Variants in PLXNA2 observed in about 807,000 individuals in gnomAD.
PLXNA2 encodes plexin-A2.
Under a neutral mutation model 193.5 loss-of-function variants are expected in PLXNA2, and 91 were observed. The observed-to-expected ratio is 0.47, with a 90% CI of 0.40 to 0.56. The LOEUF is 0.56. Among genes scored for constraint, PLXNA2 ranks in the 20% least tolerant of loss-of-function variants. The pLI is 0.00. For synonymous variants in PLXNA2, 997 were observed against 1,027.3 expected (o/e 0.97, Z 0.56); for missense variants, 1,995 against 2,503.2 (o/e 0.80, Z 4.33).
intron 1 of PLXNA2, among the ~76,000 whole-genome samples, chr1:208,239,209 A>G (rs1465010515): frequency 6.6e-6 from 1 of 151,072 alleles, no homozygotes; most frequent in Admixed American, 6.6e-5. Context: ...GGCTTTCAAG[A>G]GTCCCCTCTA....
chr1:208,195,958 T>C (rs1351487598), intron 3 of PLXNA2, among the ~76,000 whole-genome samples: 2 of 140,904 alleles, frequency 1.4e-5, no homozygotes, highest in African/African-American at 5.2e-5. Flanking sequence ...AGACTGAAGG[T>C]ACAAGGGAGG....
chr1:208,162,525 G>A (rs1669163300), intron 3 of PLXNA2, among the ~76,000 whole-genome samples: 1 of 152,174 alleles, frequency 6.6e-6, no homozygotes, highest in Non-Finnish European at 1.5e-5. Flanking sequence ...TTCTTTCTTT[G>A]AGGAGACTAT....
intron 4 of PLXNA2, among the ~76,000 whole-genome samples, chr1:208,135,141 A>C (rs1668264532): frequency 6.6e-6 from 1 of 152,084 alleles, no homozygotes; most frequent in Non-Finnish European, 1.5e-5. Flanking sequence ...GTCTTCAAAC[A>C]ATGCAGAGAA....
chr1:208,049,306 C>CT (rs35088178), intron 17 of PLXNA2, among the ~76,000 whole-genome samples: 87,568 of 141,496 alleles, frequency 0.62, 26,950 homozygotes, highest in Middle Eastern at 0.7. Context: ...AATTTGCTTG[C>CT]TTTTTTTTTT....
intron 9 of PLXNA2, among the ~76,000 whole-genome samples, chr1:208,091,601 A>G (rs1430896541): frequency 6.6e-6 from 1 of 152,166 alleles, no homozygotes; most frequent in African/African-American, 2.4e-5. Context: ...GGCCGGGCGG[A>G]GTGGCTCACA....
At chr1:208,062,012 A>G (rs936472370) in intron 12 of PLXNA2, among the ~76,000 whole-genome samples, 1 of 152,202 alleles carries the variant, frequency 6.6e-6, no homozygotes, top group Non-Finnish European at 1.5e-5. Context: ...CACAGTTGTA[A>G]AAAGGTCCAG....
intron 3 of PLXNA2, among the ~76,000 whole-genome samples, chr1:208,148,667 C>T (rs1212076108): frequency 6.6e-6 from 1 of 152,212 alleles, no homozygotes; most frequent in East Asian, 1.9e-4. Context: ...AGGATCCCCT[C>T]AGGAAGCCCG....
chr1:208,234,126 A>C lies in PLXNA2; in HGVS notation c.-81+9517T>G, dbSNP rs190646742. ...AAGGTAGCTAAGTGGGCAGATCAAG[A>C]GAGTGTGGTGAGTGAGGCTGGGGCA... On this transcript the variant is annotated intron_variant, in intron 1 of 31. Coordinates refer to ENST00000367033, the MANE Select transcript of PLXNA2 (RefSeq NM_025179.4). Among the ~76,000 whole-genome samples, 8 of 152,212 alleles carry C rather than the reference A, an allele frequency of 5.3e-5. No homozygotes were observed. The East Asian group carries it at 1.6e-3, about 30-fold the overall frequency.
In PLXNA2 at chr1:208,028,083, G is replaced by C. The variant is rs1326125985; in HGVS notation, c.5515C>G (p.Leu1839Val). 6.2e-7 allele frequency: 1 copy of C among 1,613,592 alleles called. No homozygotes were observed. Among genetic ancestry groups the C allele is most frequent in the African/African-American group, 1.3e-5 (1 of 74,908 alleles). The change falls in exon 31 of 32, where the codon CTG becomes GTG. Residue 1839 changes from leucine to valine, a missense_variant. Transcript: ENST00000367033. The surrounding 1 kb of genome is among the most constrained non-coding windows in gnomAD (Gnocchi z 4.2). ...MNAYLAEQSRLHAVEFNMLSA... is the reference protein window; with the variant it reads ...MNAYLAEQSRVHAVEFNMLSA... Reference sequence around the variant, plus strand: ...AGCATGTTGAACTCCACGGCGTGCAGGCGGGACTGCTCGGCGAGGTAGGCA... The same window carrying C: ...AGCATGTTGAACTCCACGGCGTGCACGCGGGACTGCTCGGCGAGGTAGGCA...
intron 3 of PLXNA2, among the ~76,000 whole-genome samples, chr1:208,151,661 C>T (rs76695568): frequency 3.7e-4 from 56 of 152,188 alleles, no homozygotes; most frequent in African/African-American, 1.1e-3. Context: ...TATGTCAACC[C>T]GTGTGCAAAA....
At chr1:208,063,253 C>T (rs1170513818) in intron 12 of PLXNA2, among the ~76,000 whole-genome samples, 6 of 152,138 alleles carry the variant, frequency 3.9e-5, no homozygotes, top group Admixed American at 6.5e-5. Flanking sequence ...ATGTGGGGAC[C>T]GCATTGTGGA....
chr1:208,120,466 T>C (rs1230275984), intron 4 of PLXNA2, among the ~76,000 whole-genome samples: 3 of 152,172 alleles, frequency 2.0e-5, no homozygotes, highest in African/African-American at 7.2e-5. Context: ...TCATTAAGCA[T>C]TCCTCTGGCT....
chr1:208,156,193 G>A (rs1376719082), intron 3 of PLXNA2, among the ~76,000 whole-genome samples: 1 of 152,222 alleles, frequency 6.6e-6, no homozygotes, highest in African/African-American at 2.4e-5. Flanking sequence ...GATGACCTAT[G>A]TTGGAATATT....
chr1:208,103,131 T>A lies in PLXNA2; in HGVS notation c.1607+16A>T. The A allele has an allele frequency of 6.3e-7, 1 of 1,594,414 alleles. No individual in the cohort carries two copies. Reference sequence around the variant, plus strand: ...TTCTGCATGCCAAACCCTTTTCCAGTATACCCCAAACTTACATGTTGTGCA... The same window carrying A: ...TTCTGCATGCCAAACCCTTTTCCAGAATACCCCAAACTTACATGTTGTGCA... On this transcript the variant is annotated intron_variant, in intron 5 of 31. Coordinates refer to ENST00000367033, the MANE Select transcript of PLXNA2 (RefSeq NM_025179.4).
intron 3 of PLXNA2, among the ~76,000 whole-genome samples, chr1:208,186,107 T>C (rs1310788168): frequency 2.0e-5 from 3 of 152,166 alleles, no homozygotes; most frequent in Non-Finnish European, 4.4e-5. Flanking sequence ...TTCATCACCC[T>C]GCATCATCAT....
At position 208,038,696 on chromosome 1, in the gene PLXNA2, G is replaced by T; in HGVS notation, c.4660+129C>A. 2.0e-6 allele frequency: 2 copies of T among 1,012,810 alleles called. No homozygotes were observed. The highest frequency in any genetic ancestry group is 1.5e-5 in the South Asian group (1 of 66,652). 62.7% of individuals were successfully genotyped at this position (1,012,810 alleles called of 1,614,324 possible). A position where few individuals can be genotyped will look rare whatever the true frequency, so the allele number is the denominator to read the frequency against. On this transcript the variant is annotated intron_variant, in intron 25 of 31. Transcript: ENST00000367033. The surrounding 1 kb of genome is among the most constrained non-coding windows in gnomAD (Gnocchi z 4.1). Reference sequence around the variant, plus strand: ...CATCTGAACAGGCAGCGCTCAAAGCGGGAAGCATTTCACACGGGCCTCAGC... The same window carrying T: ...CATCTGAACAGGCAGCGCTCAAAGCTGGAAGCATTTCACACGGGCCTCAGC...
intron 3 of PLXNA2, among the ~76,000 whole-genome samples, chr1:208,207,275 G>A (rs535439206): frequency 2.5e-4 from 38 of 152,326 alleles, no homozygotes; most frequent in Middle Eastern, 3.4e-3. Context: ...CAAAGTGCTG[G>A]GATTATAGGC....
At chr1:208,101,148 T>C (rs1237196220) in intron 5 of PLXNA2, among the ~76,000 whole-genome samples, 1 of 152,188 alleles carries the variant, frequency 6.6e-6, no homozygotes, top group Non-Finnish European at 1.5e-5. Flanking sequence ...TTTTTTATCA[T>C]ACTATTTATG....
chr1:208,052,554 C>T, intron 14 of PLXNA2, 91 bp from the exon 15 acceptor site: 2 of 1,330,750 alleles, frequency 1.5e-6, no homozygotes, highest in Non-Finnish European at 2.1e-6. Flanking sequence ...AGATTGTTTT[C>T]ATTCTGGGCG....
Sources: allele counts gnomAD v4.1 joint callset (sites outside exome capture counted in the v4.1 genomes callset), GRCh38; gene constraint gnomAD v4.1.1; non-coding constraint Gnocchi (gnomAD v3.1); transcripts MANE v1.5; gene names NCBI Gene and HGNC (gene_info 2026-07-23, HGNC 2026-07-21).